TTLL6: variants seen among roughly 807,000 people sequenced by gnomAD.
TTLL6 encodes tubulin tyrosine ligase like 6.
TTLL6 carries 75 observed loss-of-function variants against 96.4 expected under a neutral mutation model. That is an observed-to-expected ratio of 0.78 (90% CI 0.65 to 0.94). The LOEUF (loss-of-function observed/expected upper bound fraction) is 0.94, where lower values mean the gene tolerates loss of function less well. Ranked by LOEUF, TTLL6 falls within the 40% of genes least tolerant of loss-of-function variation. The probability of loss-of-function intolerance (pLI) is 0.00; values close to 1 mark genes in which losing one functional copy is unlikely to be tolerated. For synonymous variants in TTLL6, 411 were observed against 419.4 expected, an observed-to-expected ratio of 0.98 and a Z score of 0.24; for missense variants, 1,030 against 1,093.0, an observed-to-expected ratio of 0.94 and a Z score of 0.81.
At chr17:48,790,198 G>C in intron 9 of TTLL6, 92 bp from the exon 10 acceptor site, 1 of 1,385,454 alleles carries the variant, frequency 7.2e-7, no homozygotes, top group Admixed American at 1.9e-5. Flanking sequence ...CACTACCAAA[G>C]CCCACCTCAG....
intron 8 of TTLL6, among the ~76,000 whole-genome samples, chr17:48,793,117 C>G (rs2039256410): frequency 6.6e-6 from 1 of 152,178 alleles, no homozygotes; most frequent in Non-Finnish European, 1.5e-5. Flanking sequence ...CGCAGCACTA[C>G]TCCTGAGTTT....
intron 3 of TTLL6, 128 bp downstream of exon 3, chr17:48,803,763 G>A (rs1352828285): frequency 2.1e-6 from 2 of 936,962 alleles, no homozygotes; most frequent in Non-Finnish European, 3.2e-6. Flanking sequence ...ATTGAGCTAG[G>A]AGAACTGAAG....
At chr17:48,801,154 T>C in intron 5 of TTLL6, 101 bp downstream of exon 5, 2 of 1,048,068 alleles carry the variant, frequency 1.9e-6, no homozygotes, top group Non-Finnish European at 2.8e-6. Context: ...GAGATGGGAG[T>C]TCATATGGGC....
At chr17:48,769,334 T>C (rs1035652472) in intron 14 of TTLL6, 80 bp from the exon 15 acceptor site, 7 of 1,488,810 alleles carry the variant, frequency 4.7e-6, no homozygotes, top group African/African-American at 1.4e-5. Context: ...CACCTCCCAG[T>C]AGGGTCCCAT....
chr17:48,810,825 G>GTA (rs1555569643), intron 1 of TTLL6, among the ~76,000 whole-genome samples: 2,326 of 84,302 alleles, frequency 0.028, 89 homozygotes, highest in Non-Finnish European at 0.037. Flanking sequence ...GTATGTGTGT[G>GTA]TATATATATA....
At chr17:48,772,522 G>A (rs1348733604) in intron 13 of TTLL6, among the ~76,000 whole-genome samples, 1 of 151,964 alleles carries the variant, frequency 6.6e-6, no homozygotes, top group Non-Finnish European at 1.5e-5. Context: ...ACGAGGTCAA[G>A]AGATCGAGAC....
intron 13 of TTLL6, among the ~76,000 whole-genome samples, chr17:48,776,262 C>T (rs1181494456): frequency 1.3e-5 from 2 of 152,008 alleles, no homozygotes; most frequent in Non-Finnish European, 2.9e-5. Flanking sequence ...GTCAGGAGAT[C>T]GAGACCATCC....
intron 6 of TTLL6, among the ~76,000 whole-genome samples, chr17:48,797,988 G>C (rs1424496348): frequency 1.3e-5 from 2 of 151,692 alleles, no homozygotes; most frequent in African/African-American, 2.4e-5. Flanking sequence ...TATGCCTGAA[G>C]TCTTAGCTAC....
At chr17:48,772,411 G>C (rs1164772555) in intron 13 of TTLL6, among the ~76,000 whole-genome samples, 1 of 152,148 alleles carries the variant, frequency 6.6e-6, no homozygotes, top group East Asian at 1.9e-4. Context: ...AAGAACTTTA[G>C]CAGGCATTAT....
chr17:48,795,284 C>T (rs1303674256), intron 8 of TTLL6, among the ~76,000 whole-genome samples: 2 of 151,066 alleles, frequency 1.3e-5, no homozygotes, highest in Non-Finnish European at 2.9e-5. Context: ...CAAGATCGCA[C>T]CACTGCACTC....
rs2039060394 is a variant in TTLL6 at position 48,785,018 on chromosome 17, TG to T, written c.1944del (p.Asn649IlefsTer25). On this transcript the variant is annotated frameshift_variant, in exon 13 of 16. Coordinates refer to ENST00000393382, the MANE Select transcript of TTLL6 (RefSeq NM_001130918.3). LOFTEE classifies it high-confidence loss of function. ...GGCTCCAACTTCGAGCTGCTGAGAT[TG>T]ATATTCCTCAGATCGGGTAGAGAAC... is the stretch of plus-strand genomic sequence containing the variant. ...PFSSLPDLRN[I>X]NLSSSKLEPS... The T allele has an allele frequency of 6.2e-7, 1 of 1,613,982 alleles. No individual in the cohort carries two copies. The highest frequency in any genetic ancestry group is 1.3e-5 in the African/African-American group (1 of 74,918).
chr17:48,780,211 T>C (rs1433972299), intron 13 of TTLL6, among the ~76,000 whole-genome samples: 2 of 152,122 alleles, frequency 1.3e-5, no homozygotes, highest in African/African-American at 4.8e-5. Flanking sequence ...AATGGTGCAA[T>C]CTCGGCTCAC....
At position 48,791,358 on chromosome 17, in the gene TTLL6, C is replaced by A; in HGVS notation, c.1224+20G>T. On this transcript the variant is annotated intron_variant, in intron 9 of 15. Transcript: ENST00000393382. The stretch of plus-strand genomic sequence containing the variant: ...CCAATAACAGGAGTTCGTTTTCGCC[C>A]CTCGCCCAAACTTCCCTACCTCCAG... 2 of 1,609,234 alleles carry A rather than the reference C, an allele frequency of 1.2e-6. No individual in the cohort carries two copies. The highest frequency in any genetic ancestry group is 2.7e-5 in the African/African-American group (2 of 74,920).
At chr17:48,801,150 G>A in intron 5 of TTLL6, 105 bp downstream of exon 5, 2 of 993,680 alleles carry the variant, frequency 2.0e-6, no homozygotes, top group Non-Finnish European at 1.5e-6. Context: ...CAGAGAGATG[G>A]GAGTTCATAT....
rs1451591368 is a variant in TTLL6 at position 48,804,967 on chromosome 17, G to T, written c.128C>A (p.Ser43Tyr). 6.4e-7 allele frequency: 1 copy of T among 1,551,568 alleles called. No individual in the cohort carries two copies. Among genetic ancestry groups the T allele is most frequent in the Non-Finnish European group, 8.7e-7 (1 of 1,146,966 alleles). Residue 43 changes from serine to tyrosine, a missense_variant, in exon 2 of 16, where the codon TCC (serine) becomes TAC (tyrosine). By Grantham distance (144) the Ser-to-Tyr change is moderately radical. Coordinates refer to ENST00000393382, the MANE Select transcript of TTLL6 (RefSeq NM_001130918.3). The part of the protein sequence containing the change: ...IAGAWYFPRA[S>Y]SQAREMPQCP... ...CTGTGGCATCTCCCTGGCCTGGGAGGAGGCTCTGGGGAAATACCAGGCCCC... is the reference window on the plus strand; with the variant it reads ...CTGTGGCATCTCCCTGGCCTGGGAGTAGGCTCTGGGGAAATACCAGGCCCC...
intron 1 of TTLL6, among the ~76,000 whole-genome samples, chr17:48,812,424 T>A (rs1352132954): frequency 1.3e-5 from 2 of 152,236 alleles, no homozygotes; most frequent in Non-Finnish European, 2.9e-5. Flanking sequence ...TTTCGAAGTC[T>A]CTGTCTGGAT....
intron 15 of TTLL6, chr17:48,765,479 G>C (rs2038582999): frequency 6.6e-6 from 1 of 152,198 alleles, no homozygotes; most frequent in African/African-American, 2.4e-5. Context: ...ATCTAGAAGA[G>C]TGCTGGCGCC....
chr17:48,789,776 C>T (rs905750522), intron 10 of TTLL6, among the ~76,000 whole-genome samples, 155 bp downstream of exon 10: 20 of 152,062 alleles, frequency 1.3e-4, no homozygotes, highest in Admixed American at 1.1e-3. Flanking sequence ...AGCCTGGTCT[C>T]GAACTCCTGA....
chr17:48,789,904 C>T (rs1381066715), intron 10 of TTLL6, 27 bp downstream of exon 10: 1 of 1,610,698 alleles, frequency 6.2e-7, no homozygotes. Context: ...AGAGAGAGCC[C>T]CGCAAGGCTG....
Sources: allele counts gnomAD v4.1 joint callset (sites outside exome capture counted in the v4.1 genomes callset), GRCh38; gene constraint gnomAD v4.1.1; transcripts MANE v1.5; gene names NCBI Gene and HGNC (gene_info 2026-07-23, HGNC 2026-07-21).